Variants in ALK observed in about 807,000 individuals in gnomAD.
The protein encoded by ALK is ALK tyrosine kinase receptor.
Under a neutral mutation model 163.1 loss-of-function variants are expected in ALK, and 74 were observed. The ratio of observed to expected loss-of-function variants is 0.45; its 90% CI spans 0.38 to 0.55. The LOEUF is 0.55. Ranked by LOEUF, ALK falls within the 20% of genes least tolerant of loss-of-function variation. The probability of loss-of-function intolerance (pLI) is 0.00; values close to 1 mark genes in which losing one functional copy is unlikely to be tolerated. For missense variants in ALK, 2,063 were observed against 2,105.3 expected, an observed-to-expected ratio of 0.98 and a Z score of 0.39; for synonymous variants, 960 against 843.2, an observed-to-expected ratio of 1.14 and a Z score of -2.40.
At chr2:29,733,527 T>C (rs1443713196) in intron 1 of ALK, among the ~76,000 whole-genome samples, 1 of 152,222 alleles carries the variant, frequency 6.6e-6, no homozygotes, top group Non-Finnish European at 1.5e-5. Flanking sequence ...TTCACTTTCC[T>C]GTTCTGTGAC....
At chr2:29,605,757 T>G (rs987336507) in intron 3 of ALK, among the ~76,000 whole-genome samples, 2 of 152,202 alleles carry the variant, frequency 1.3e-5, no homozygotes, top group Non-Finnish European at 2.9e-5. Context: ...CCACCCAGTA[T>G]ATGATACTTG....
At chr2:29,559,767 A>ATG (rs1491268591) in intron 3 of ALK, among the ~76,000 whole-genome samples, 4 of 50,824 alleles carry the variant, frequency 7.9e-5, no homozygotes, top group Non-Finnish European at 2.0e-4. Flanking sequence ...GGGAGCATGT[A>ATG]CGTGTGTGTG....
intron 2 of ALK, among the ~76,000 whole-genome samples, chr2:29,702,327 G>A (rs1227298136): frequency 6.6e-6 from 1 of 152,166 alleles, no homozygotes; most frequent in African/African-American, 2.4e-5. Context: ...AGCTCTACAA[G>A]TGAGGCAGGA....
intron 3 of ALK, among the ~76,000 whole-genome samples, chr2:29,637,607 G>C (rs1676573901): frequency 6.6e-6 from 1 of 150,452 alleles, no homozygotes; most frequent in South Asian, 2.1e-4. Context: ...TACTTGGGAG[G>C]CTGAGGTAGG....
chr2:29,471,533 A>C (rs1315198862), intron 4 of ALK, among the ~76,000 whole-genome samples: 8 of 152,256 alleles, frequency 5.3e-5, no homozygotes, highest in Non-Finnish European at 8.8e-5. Context: ...AAGAATAAGC[A>C]GTATACAGTT....
At chr2:29,314,478 T>TCCCAGAGG (rs1666774844) in intron 8 of ALK, among the ~76,000 whole-genome samples, 1 of 151,988 alleles carries the variant, frequency 6.6e-6, no homozygotes, top group Non-Finnish European at 1.5e-5. Context: ...TGTGCACGCA[T>TCCCAGAGG]GTGTGTATGT....
chr2:29,899,753 G>C (rs1016728097), intron 1 of ALK: 1 of 151,700 alleles, frequency 6.6e-6, no homozygotes, highest in Admixed American at 6.6e-5. Flanking sequence ...TTGAACCCGG[G>C]AGGCAAAGGT....
At chr2:29,530,227 T>A (rs1420643457) in intron 4 of ALK, among the ~76,000 whole-genome samples, 2 of 152,178 alleles carry the variant, frequency 1.3e-5, no homozygotes, top group Non-Finnish European at 2.9e-5. Flanking sequence ...CTCTTTTAAA[T>A]GAGAATTGAC....
chr2:29,605,152 G>T (rs1463832976), intron 3 of ALK, among the ~76,000 whole-genome samples: 2 of 151,296 alleles, frequency 1.3e-5, no homozygotes, highest in African/African-American at 4.9e-5. Context: ...TCCACGGACA[G>T]GGGGGTGGGT....
At chr2:29,549,647 G>A (rs915751425) in intron 3 of ALK, among the ~76,000 whole-genome samples, 34 of 152,128 alleles carry the variant, frequency 2.2e-4, no homozygotes, top group Admixed American at 9.2e-4. Flanking sequence ...ATGTGAATAT[G>A]ATTTTCCAAG....
chr2:29,214,948 G>A (rs1416113084), intron 23 of ALK, among the ~76,000 whole-genome samples: 1 of 152,142 alleles, frequency 6.6e-6, no homozygotes, highest in Non-Finnish European at 1.5e-5. Context: ...CACACACTGG[G>A]GGTTCAGTGA....
At chr2:29,844,220 T>C (rs1385948476) in intron 1 of ALK, among the ~76,000 whole-genome samples, 1 of 152,124 alleles carries the variant, frequency 6.6e-6, no homozygotes, top group East Asian at 1.9e-4. Flanking sequence ...AACGCATGCA[T>C]ATGCCTTGTG....
chr2:29,884,829 A>G (rs1484811810), intron 1 of ALK, among the ~76,000 whole-genome samples: 1 of 152,200 alleles, frequency 6.6e-6, no homozygotes, highest in African/African-American at 2.4e-5. Context: ...ATTATCTAGG[A>G]GAAAGGATAT....
chr2:29,319,854 C>A (rs1018420564), intron 7 of ALK, among the ~76,000 whole-genome samples: 8 of 152,230 alleles, frequency 5.3e-5, no homozygotes, highest in African/African-American at 1.9e-4. Flanking sequence ...GGGACTGAGC[C>A]AACTCACTGT....
intron 1 of ALK, among the ~76,000 whole-genome samples, chr2:29,755,538 G>T (rs541872689): frequency 7.0e-4 from 107 of 152,338 alleles, no homozygotes; most frequent in Non-Finnish European, 1.1e-3. Context: ...TCCTTCTCTG[G>T]AATGGATTCC....
chr2:29,723,429 A>AT (rs1679477698), intron 1 of ALK, among the ~76,000 whole-genome samples: 2 of 152,234 alleles, frequency 1.3e-5, no homozygotes, highest in South Asian at 2.1e-4. Context: ...AGCCACTCCC[A>AT]TCCCTTTGCC....
intron 5 of ALK, among the ~76,000 whole-genome samples, chr2:29,357,050 G>C (rs76621202): frequency 6.6e-6 from 1 of 152,122 alleles, no homozygotes; most frequent in East Asian, 1.9e-4. Flanking sequence ...AACTGAGTGC[G>C]AAGATTCAAC....
intron 4 of ALK, among the ~76,000 whole-genome samples, chr2:29,500,518 T>C (rs1672143924): frequency 6.6e-6 from 1 of 152,188 alleles, no homozygotes; most frequent in Non-Finnish European, 1.5e-5. Context: ...TCAGAACTAA[T>C]ACAATGGCCA....
At chr2:29,753,986 T>A (rs2148332633) in intron 1 of ALK, among the ~76,000 whole-genome samples, 1 of 152,294 alleles carries the variant, frequency 6.6e-6, no homozygotes, top group Middle Eastern at 3.4e-3. Context: ...AAAGCAGATT[T>A]GCTCCCTCTC....
Sources: allele counts gnomAD v4.1 joint callset (sites outside exome capture counted in the v4.1 genomes callset), GRCh38; gene constraint gnomAD v4.1.1; transcripts MANE v1.5; gene names NCBI Gene and HGNC (gene_info 2026-07-23, HGNC 2026-07-21).